TBCK: variants seen among roughly 807,000 people sequenced by gnomAD.
The protein encoded by TBCK is TBC1 domain containing kinase, also known as TBC domain-containing protein kinase-like protein.
In TBCK, 99 loss-of-function variants were observed where a neutral mutation model predicts 113.4. The observed-to-expected ratio is 0.87, with a 90% confidence interval of 0.74 to 1.03. TBCK has a LOEUF of 1.03. Ranked by LOEUF, TBCK falls within the 50% of genes least tolerant of loss-of-function variation. The pLI is 0.00. For missense variants in TBCK, 1,045 were observed against 1,061.3 expected, an observed-to-expected ratio of 0.98 and a Z score of 0.21; for synonymous variants, 369 against 370.8, an observed-to-expected ratio of 1.00 and a Z score of 0.05.
At chr4:106,263,484 C>G (rs1762690751) in intron 3 of TBCK, among the ~76,000 whole-genome samples, 1 of 151,672 alleles carries the variant, frequency 6.6e-6, no homozygotes, top group African/African-American at 2.4e-5. Flanking sequence ...AATGGACTAA[C>G]AGATTGCCAT....
Position 106,062,644 on chromosome 4 carries a change from T to C in TBCK, c.2572-15964A>G, listed in dbSNP as rs1025939204. On this transcript the variant is annotated intron_variant, in intron 25 of 25. Coordinates refer to ENST00000394708, the MANE Select transcript of TBCK (RefSeq NM_001163435.3). Reference sequence around the variant, plus strand: ...GAGGGCAACTATGGTTAGTTTCTTATTCAGCCACAGACATTCCTGTGGTAA... The same window carrying C: ...GAGGGCAACTATGGTTAGTTTCTTACTCAGCCACAGACATTCCTGTGGTAA... 3.9e-5 allele frequency among the ~76,000 whole-genome samples: 6 copies of C among 151,922 alleles called. No individual in the cohort carries two copies. In the East Asian group the frequency reaches 9.7e-4, roughly 25 times the overall value.
chr4:106,197,683 T>G (rs539806789), intron 20 of TBCK, among the ~76,000 whole-genome samples: 6 of 151,998 alleles, frequency 3.9e-5, no homozygotes, highest in Non-Finnish European at 7.4e-5. Flanking sequence ...AAATAAACCT[T>G]AAAAGCAAGC....
chr4:106,244,525 A>G (rs1760538780), intron 11 of TBCK, 101 bp downstream of exon 11: 1 of 1,066,172 alleles, frequency 9.4e-7, no homozygotes, highest in South Asian at 2.7e-5. Context: ...AAAACAACCA[A>G]TTTAAAAAAA....
At chr4:106,158,102 T>A (rs1270067574) in intron 23 of TBCK, among the ~76,000 whole-genome samples, 1 of 152,174 alleles carries the variant, frequency 6.6e-6, no homozygotes, top group Admixed American at 6.5e-5. Context: ...AATATTACAT[T>A]GGGACTTTTA....
intron 1 of TBCK, among the ~76,000 whole-genome samples, chr4:106,311,200 T>TACACACACACACAC: frequency 7.2e-6 from 1 of 138,288 alleles, no homozygotes; most frequent in South Asian, 2.5e-4. Context: ...CAGAAACTCC[T>TACACACACACACAC]ACACACACAC....
At chr4:106,100,690 T>A (rs1372114470) in intron 24 of TBCK, among the ~76,000 whole-genome samples, 6 of 152,208 alleles carry the variant, frequency 3.9e-5, no homozygotes, top group Non-Finnish European at 7.4e-5. Flanking sequence ...AATCTGAGCA[T>A]GGCACCTACC....
chr4:106,301,391 C>T (rs1435590134), intron 2 of TBCK, among the ~76,000 whole-genome samples: 1 of 151,962 alleles, frequency 6.6e-6, no homozygotes, highest in Non-Finnish European at 1.5e-5. Flanking sequence ...TACCATTTAC[C>T]ATCTTCACTC....
chr4:106,179,563 C>T (rs1012655894), intron 22 of TBCK, among the ~76,000 whole-genome samples: 12 of 152,070 alleles, frequency 7.9e-5, no homozygotes, highest in Admixed American at 7.9e-4. Flanking sequence ...TTCTAATGTT[C>T]CTTTTCTTAA....
rs1042014246 is a variant in TBCK at position 106,107,977 on chromosome 4, T to A, written c.2411+8226A>T. Among the ~76,000 whole-genome samples, 76 of 151,644 alleles carry A rather than the reference T, an allele frequency of 5.0e-4. 2 individuals carry two copies. Among genetic ancestry groups the A allele is most frequent in the Admixed American group, 5.0e-3 (76 of 15,240 alleles). On this transcript the variant is annotated intron_variant, in intron 24 of 25. Transcript: ENST00000394708. ...CCCCACAGAAATGAAAATAACCATA[T>A]GCTCTATGTACACAAATAGAAAACC...
intron 24 of TBCK, among the ~76,000 whole-genome samples, chr4:106,105,550 CA>C (rs1203072488): frequency 1.3e-5 from 2 of 152,188 alleles, no homozygotes; most frequent in African/African-American, 4.8e-5. Flanking sequence ...TATGAGGAAA[CA>C]TAAGGGAGCC....
At chr4:106,230,659 T>C (rs1452699630) in intron 18 of TBCK, among the ~76,000 whole-genome samples, 1 of 151,928 alleles carries the variant, frequency 6.6e-6, no homozygotes, top group East Asian at 1.9e-4. Context: ...AATAATTCTA[T>C]AACTTCAATT....
intron 22 of TBCK, among the ~76,000 whole-genome samples, chr4:106,186,797 CATAA>C (rs1271256126): frequency 1.3e-5 from 2 of 152,010 alleles, no homozygotes; most frequent in African/African-American, 4.8e-5. Flanking sequence ...AGGACTTAGT[CATAA>C]ATACTTTCCC....
intron 23 of TBCK, among the ~76,000 whole-genome samples, chr4:106,142,752 T>C (rs181355669): frequency 5.4e-4 from 82 of 152,286 alleles, no homozygotes; most frequent in African/African-American, 1.9e-3. Flanking sequence ...ATTAGCAAGT[T>C]AGAATTACCC....
intron 22 of TBCK, 131 bp from the exon 23 acceptor site, chr4:106,171,401 G>C: frequency 1.6e-6 from 1 of 609,224 alleles, no homozygotes; most frequent in Non-Finnish European, 2.7e-6. Flanking sequence ...AAAAATGTCA[G>C]TAAAAAAAAC....
intron 23 of TBCK, among the ~76,000 whole-genome samples, chr4:106,129,961 C>G (rs1243774891): frequency 6.6e-6 from 1 of 152,228 alleles, no homozygotes; most frequent in Non-Finnish European, 1.5e-5. Flanking sequence ...CCAAAGGTCA[C>G]TGTGCTTCTG....
intron 2 of TBCK, among the ~76,000 whole-genome samples, chr4:106,299,450 G>A (rs563756242): frequency 1.2e-4 from 19 of 152,274 alleles, no homozygotes; most frequent in Non-Finnish European, 2.4e-4. Flanking sequence ...GATTTCCAAA[G>A]TATCTGGCAC....
At chr4:106,102,866 C>T (rs559635167) in intron 24 of TBCK, among the ~76,000 whole-genome samples, 8 of 152,026 alleles carry the variant, frequency 5.3e-5, no homozygotes, top group South Asian at 2.1e-4. Context: ...TCACATTTTG[C>T]GGCAAGAGAG....
intron 25 of TBCK, among the ~76,000 whole-genome samples, chr4:106,079,174 C>T (rs1339370697): frequency 1.3e-5 from 2 of 152,036 alleles, no homozygotes; most frequent in Non-Finnish European, 2.9e-5. Context: ...AAACATACCT[C>T]AAAATAAAAA....
intron 23 of TBCK, among the ~76,000 whole-genome samples, chr4:106,156,077 A>C (rs1312463390): frequency 2.0e-5 from 3 of 152,206 alleles, no homozygotes; most frequent in South Asian, 2.1e-4. Flanking sequence ...GATCTAAGCT[A>C]TATCTGTATT....
Sources: gnomAD v4.1 joint callset for allele counts (sites outside exome capture counted in the v4.1 genomes callset) on GRCh38, gnomAD v4.1.1 for gene constraint, MANE v1.5 for transcripts, NCBI Gene and HGNC (gene_info 2026-07-23, HGNC 2026-07-21) for gene names.